PRKAR1B: variants seen among roughly 807,000 people sequenced by gnomAD.
PRKAR1B encodes the protein protein kinase cAMP-dependent type I regulatory subunit beta.
PRKAR1B carries 22 observed loss-of-function variants against 46.5 expected under a neutral mutation model. That is an observed-to-expected ratio of 0.47 (90% confidence interval 0.34 to 0.68). The LOEUF (loss-of-function observed/expected upper bound fraction) is 0.68. Among genes scored for constraint, PRKAR1B ranks in the 30% least tolerant of loss-of-function variants. PRKAR1B has a pLI of 0.01. For synonymous variants in PRKAR1B, 259 were observed against 217.7 expected (o/e 1.19, Z -1.67); for missense variants, 445 against 535.6 (o/e 0.83, Z 1.67).
At chr7:648,653 G>A (rs1273149573) in intron 4 of PRKAR1B, among the ~76,000 whole-genome samples, 2 of 152,052 alleles carry the variant, frequency 1.3e-5, no homozygotes, top group African/African-American at 2.4e-5. Context: ...CGTGGTGGCA[G>A]TGCCTGTAAT....
chr7:724,900 A>G (rs73049876), intron 1 of PRKAR1B, among the ~76,000 whole-genome samples: 24,533 of 152,286 alleles, frequency 0.16, 2,431 homozygotes, highest in Middle Eastern at 0.29. Flanking sequence ...GTTACTGAAT[A>G]TGCTACATAA....
intron 1 of PRKAR1B, among the ~76,000 whole-genome samples, chr7:717,967 G>A (rs1038693379): frequency 9.2e-5 from 14 of 152,098 alleles, no homozygotes; most frequent in African/African-American, 3.4e-4. Context: ...TGCCTTGCCA[G>A]GGGACTCTCT....
At chr7:711,692 A>T (rs1780639376) in intron 1 of PRKAR1B, among the ~76,000 whole-genome samples, 165 bp from the exon 2 acceptor site, 1 of 152,120 alleles carries the variant, frequency 6.6e-6, no homozygotes, top group South Asian at 2.1e-4. Flanking sequence ...TGAGGTGTTA[A>T]ACGTGACGGC....
At chr7:669,867 ATTTT>A (rs570284003) in intron 4 of PRKAR1B, among the ~76,000 whole-genome samples, 1 of 131,430 alleles carries the variant, frequency 7.6e-6, no homozygotes, top group Non-Finnish European at 1.6e-5. Flanking sequence ...CACGTGCCAT[ATTTT>A]TTTTTTTTTT....
At chr7:673,076 A>AAAAC (rs1409072522) in intron 4 of PRKAR1B, among the ~76,000 whole-genome samples, 70 of 145,078 alleles carry the variant, frequency 4.8e-4, no homozygotes, top group Non-Finnish European at 8.5e-4. Context: ...AAAAAAAAAA[A>AAAAC]AACACACACA....
chr7:627,057 T>C (rs971486623), intron 4 of PRKAR1B, among the ~76,000 whole-genome samples: 1 of 152,168 alleles, frequency 6.6e-6, no homozygotes, highest in Non-Finnish European at 1.5e-5. Flanking sequence ...GTATTTTTAG[T>C]AGAGACAGGG....
intron 7 of PRKAR1B, among the ~76,000 whole-genome samples, chr7:585,084 G>T (rs1442513565): frequency 1.3e-5 from 2 of 152,174 alleles, no homozygotes; most frequent in Non-Finnish European, 1.5e-5. Flanking sequence ...CCTGGGAAAA[G>T]CATGCTGAAT....
At chr7:635,637 C>T (rs9969233) in intron 4 of PRKAR1B, among the ~76,000 whole-genome samples, 7 of 152,060 alleles carry the variant, frequency 4.6e-5, no homozygotes, top group Non-Finnish European at 8.8e-5. Flanking sequence ...CCCAGACTAT[C>T]CTGTGAACAG....
At chr7:726,912 C>A in intron 1 of PRKAR1B, 1 of 1,345,160 alleles carries the variant, frequency 7.4e-7, no homozygotes, top group South Asian at 1.7e-5. Flanking sequence ...GCCCTGCCGC[C>A]GACCCCACCG....
chr7:622,941 C>T (rs1220352535), intron 4 of PRKAR1B, among the ~76,000 whole-genome samples: 1 of 152,134 alleles, frequency 6.6e-6, no homozygotes. Context: ...TGGGGAAGAA[C>T]CTCTCTCCAT....
intron 4 of PRKAR1B, among the ~76,000 whole-genome samples, chr7:660,271 T>A (rs1295163767): frequency 6.6e-6 from 1 of 151,984 alleles, no homozygotes; most frequent in Non-Finnish European, 1.5e-5. Context: ...AGTTCCCGTC[T>A]ACCATAGCTC....
chr7:587,400 G>C (rs186810501), intron 7 of PRKAR1B, among the ~76,000 whole-genome samples: 1 of 152,242 alleles, frequency 6.6e-6, no homozygotes, highest in Non-Finnish European at 1.5e-5. Flanking sequence ...GGCCGAGGAG[G>C]AGGAGAAAGT....
intron 7 of PRKAR1B, among the ~76,000 whole-genome samples, chr7:595,332 C>A (rs10252397): frequency 0.038 from 5,857 of 152,280 alleles, 361 homozygotes; most frequent in African/African-American, 0.13. Flanking sequence ...AGCAGTCCCC[C>A]CCGCCCCACT....
chr7:685,271 TATATATAC>T (rs1778958783), intron 2 of PRKAR1B, among the ~76,000 whole-genome samples: 29 of 25,740 alleles, frequency 1.1e-3, no homozygotes, highest in Non-Finnish European at 1.1e-3. Flanking sequence ...CATATATACG[TATATATAC>T]GTATATATAT....
At chr7:719,595 T>G (rs112063307) in intron 1 of PRKAR1B, among the ~76,000 whole-genome samples, 43 of 152,342 alleles carry the variant, frequency 2.8e-4, no homozygotes, top group African/African-American at 1.0e-3. Context: ...TCATTTGTTG[T>G]AACGTGTTGG....
chr7:665,759 A>T (rs1393805809), intron 4 of PRKAR1B, among the ~76,000 whole-genome samples: 1 of 152,226 alleles, frequency 6.6e-6, no homozygotes, highest in Non-Finnish European at 1.5e-5. Context: ...GAAGGCTCAG[A>T]GAAGCCAGGA....
chr7:633,573 G>T (rs555450107), intron 4 of PRKAR1B, among the ~76,000 whole-genome samples: 4 of 152,222 alleles, frequency 2.6e-5, no homozygotes, highest in South Asian at 2.1e-4. Context: ...AGACCAGCCG[G>T]GGCAATACAG....
In PRKAR1B at chr7:680,856, C is replaced by T; in HGVS notation, c.178-130G>A. 3 of 1,079,606 alleles carry T rather than the reference C, an allele frequency of 2.8e-6. No individual in the cohort carries two copies. In the South Asian group the frequency reaches 4.4e-5, roughly 16 times the overall value. 66.9% of individuals were successfully genotyped at this position (1,079,606 alleles called of 1,614,324 possible). A position where few individuals can be genotyped will look rare whatever the true frequency, so the allele number is the denominator to read the frequency against. ...GGATCGCTTGAACTCAGGAGTTGGA[C>T]ATACGGTTAGGCTTTGTGTCCCCAC... On this transcript the variant is annotated intron_variant, in intron 2 of 10. Transcript: ENST00000537384.
At chr7:660,958 T>C (rs1216875856) in intron 4 of PRKAR1B, among the ~76,000 whole-genome samples, 4 of 85,578 alleles carry the variant, frequency 4.7e-5, no homozygotes, top group Non-Finnish European at 6.7e-5. Context: ...TACTTACTCT[T>C]CCCCTCCATG....
Sources: gnomAD v4.1 joint callset for allele counts (sites outside exome capture counted in the v4.1 genomes callset) on GRCh38, gnomAD v4.1.1 for gene constraint, MANE v1.5 for transcripts, NCBI Gene and HGNC (gene_info 2026-07-23, HGNC 2026-07-21) for gene names.